Variants in NLGN4X observed in about 807,000 individuals in gnomAD.
The protein encoded by NLGN4X is neuroligin-4, X-linked.
A neutral mutation model predicts 40.3 loss-of-function variants in NLGN4X; 3 were observed. The observed-to-expected ratio is 0.07, with a 90% CI of 0.03 to 0.19. The LOEUF (loss-of-function observed/expected upper bound fraction) is 0.19, where lower values mean the gene tolerates loss of function less well. NLGN4X is among the 10% of genes least tolerant of loss of function. The pLI is 1.00. For missense variants in NLGN4X, 382 were observed against 708.3 expected (o/e 0.54, Z 5.23); for synonymous variants, 270 against 306.8 (o/e 0.88, Z 1.25).
chrX:6,070,270 C>T (rs2038026565), intron 2 of NLGN4X, among the ~76,000 whole-genome samples: 2 of 110,413 alleles, frequency 1.8e-5, no homozygotes, highest in Non-Finnish European at 3.8e-5. Context: ...GTGAGATCAA[C>T]GGCAAAAACA....
intron 2 of NLGN4X, among the ~76,000 whole-genome samples, chrX:6,103,162 G>A (rs868568955): frequency 1.8e-5 from 2 of 111,952 alleles, no homozygotes; most frequent in African/African-American, 6.5e-5. Context: ...TAATTGAGAT[G>A]AGGTTTAATA....
chrX:6,022,427 G>GA (rs1406547097), intron 3 of NLGN4X, among the ~76,000 whole-genome samples: 7 of 112,065 alleles, frequency 6.2e-5, no homozygotes, highest in Non-Finnish European at 1.1e-4. Context: ...AATATTGTTA[G>GA]AAAAAAAGAA....
At chrX:5,905,637 G>T (rs1348063255) in intron 4 of NLGN4X, among the ~76,000 whole-genome samples, 1 of 111,930 alleles carries the variant, frequency 8.9e-6, no homozygotes, top group Non-Finnish European at 1.9e-5. Context: ...GTCTTCATTA[G>T]ACCATATAAC....
At chrX:6,135,278 T>C (rs138041505) in intron 2 of NLGN4X, among the ~76,000 whole-genome samples, 2 of 111,700 alleles carry the variant, frequency 1.8e-5, no homozygotes, top group East Asian at 5.6e-4. Flanking sequence ...ACTTTATCTC[T>C]CTATGTCACT....
intron 1 of NLGN4X, among the ~76,000 whole-genome samples, chrX:6,211,303 T>A (rs961987176): frequency 1.8e-5 from 2 of 111,435 alleles, no homozygotes; most frequent in Non-Finnish European, 3.8e-5. Flanking sequence ...ATTTGAAAAT[T>A]AGAGGCGGGA....
chrX:6,034,020 T>C (rs2036937483), intron 2 of NLGN4X, among the ~76,000 whole-genome samples: 1 of 112,531 alleles, frequency 8.9e-6, no homozygotes, highest in South Asian at 3.7e-4. Context: ...TCCTCTGTTC[T>C]ACATAACTCA....
chrX:5,979,227 T>C (rs1024492432), intron 3 of NLGN4X, among the ~76,000 whole-genome samples: 2 of 111,252 alleles, frequency 1.8e-5, no homozygotes, highest in African/African-American at 6.5e-5. Context: ...ATAATCATTT[T>C]AATATTCATG....
At chrX:6,103,176 A>G (rs1048358727) in intron 2 of NLGN4X, among the ~76,000 whole-genome samples, 2 of 111,983 alleles carry the variant, frequency 1.8e-5, no homozygotes, top group Non-Finnish European at 3.8e-5. Context: ...TTTAATATTT[A>G]CTTACACTGG....
At chrX:6,108,439 C>T (rs2039077629) in intron 2 of NLGN4X, among the ~76,000 whole-genome samples, 1 of 110,895 alleles carries the variant, frequency 9.0e-6, no homozygotes. Context: ...CCGAGGTGGG[C>T]TGATCACTTG....
At chrX:6,183,449 A>T (rs762513836) in intron 1 of NLGN4X, among the ~76,000 whole-genome samples, 2 of 111,019 alleles carry the variant, frequency 1.8e-5, no homozygotes, top group South Asian at 3.9e-4. Flanking sequence ...TGGGAGGCTG[A>T]GGCAGGAGAT....
chrX:5,908,814 C>A (rs2032335935), intron 4 of NLGN4X, among the ~76,000 whole-genome samples: 1 of 111,585 alleles, frequency 9.0e-6, no homozygotes, highest in Admixed American at 9.5e-5. Context: ...AGCCTTAAGC[C>A]CAGGAGTTGG....
intron 3 of NLGN4X, among the ~76,000 whole-genome samples, chrX:5,941,972 A>T (rs1165425523): frequency 7.1e-5 from 8 of 112,077 alleles, no homozygotes; most frequent in African/African-American, 2.6e-4. Flanking sequence ...AAGGACAAAT[A>T]GGCCAGGCTG....
At chrX:6,225,641 C>A (rs5916353) in intron 1 of NLGN4X, among the ~76,000 whole-genome samples, 27,498 of 95,965 alleles carry the variant, frequency 0.29, 3,869 homozygotes, top group Non-Finnish European at 0.36. Context: ...GTCAGGATAA[C>A]GAGGTCTCCC....
Position 6,078,337 on chromosome X carries a change from G to A in NLGN4X, c.473-48905C>T, listed in dbSNP as rs925974870. Among the ~76,000 whole-genome samples the A allele has an allele frequency of 4.5e-5, 5 of 112,076 alleles. No homozygotes were observed. The South Asian group carries it at 1.9e-3, about 42-fold the overall frequency. On this transcript the variant is annotated intron_variant, in intron 2 of 5. Coordinates refer to ENST00000381095, the MANE Select transcript of NLGN4X (RefSeq NM_181332.3). ...GGTCATGAATAGTTAATTCATGGAT[G>A]AAAGATGAATGAATGGATCAATGAG... is the stretch of plus-strand genomic sequence containing the variant.
chrX:6,167,458 G>A (rs1432092271), intron 1 of NLGN4X, among the ~76,000 whole-genome samples: 1 of 112,140 alleles, frequency 8.9e-6, no homozygotes, highest in East Asian at 2.8e-4. Flanking sequence ...GAAACTAAAG[G>A]AAGGTCAAAG....
intron 2 of NLGN4X, among the ~76,000 whole-genome samples, chrX:6,083,119 C>T (rs1319190461): frequency 3.0e-5 from 3 of 100,909 alleles, no homozygotes; most frequent in East Asian, 3.0e-4. Context: ...CCACCTCGCC[C>T]GGCTAATTTT....
At chrX:6,098,659 TC>T (rs2038837353) in intron 2 of NLGN4X, among the ~76,000 whole-genome samples, 1 of 111,676 alleles carries the variant, frequency 9.0e-6, no homozygotes, top group Admixed American at 9.5e-5. Context: ...CCTGCCTAAC[TC>T]CCCATTGCCG....
intron 2 of NLGN4X, among the ~76,000 whole-genome samples, chrX:6,044,664 G>A (rs1238180311): frequency 9.0e-6 from 1 of 110,984 alleles, no homozygotes; most frequent in South Asian, 4.0e-4. Context: ...GACGGACTTT[G>A]GGTGATGAAG....
At chrX:6,047,838 C>T (rs745461112) in intron 2 of NLGN4X, among the ~76,000 whole-genome samples, 1 of 111,740 alleles carries the variant, frequency 8.9e-6, no homozygotes, top group East Asian at 2.8e-4. Flanking sequence ...CACTCCACCC[C>T]ACATGGGCCC....
Sources: allele counts gnomAD v4.1 joint callset (sites outside exome capture counted in the v4.1 genomes callset), GRCh38; gene constraint gnomAD v4.1.1; transcripts MANE v1.5; gene names NCBI Gene and HGNC (gene_info 2026-07-23, HGNC 2026-07-21).